The following FGF13 variants were observed in gnomAD, a reference collection of about 807,000 sequenced individuals.
FGF13 encodes fibroblast growth factor 13.
In FGF13, 2 loss-of-function variants were observed where a neutral mutation model predicts 19.5. That is an observed-to-expected ratio of 0.10 (90% confidence interval 0.04 to 0.32). FGF13 has a LOEUF of 0.32. Ranked by LOEUF, FGF13 falls within the 10% of genes least tolerant of loss-of-function variation. The pLI is 1.00. For synonymous variants in FGF13, 72 were observed against 76.9 expected, an observed-to-expected ratio of 0.94 and a Z score of 0.33; for missense variants, 113 against 192.7, an observed-to-expected ratio of 0.59 and a Z score of 2.45.
intron 3 of FGF13, among the ~76,000 whole-genome samples, chrX:138,813,127 A>G (rs761282864): frequency 1.8e-5 from 2 of 111,972 alleles, no homozygotes; most frequent in South Asian, 7.5e-4. Context: ...TGTTGCAATA[A>G]ACATACATGT....
intron 1 of FGF13, among the ~76,000 whole-genome samples, chrX:138,980,228 CTA>C (rs2091957786): frequency 9.0e-6 from 1 of 111,336 alleles, no homozygotes; most frequent in Non-Finnish European, 1.9e-5. Flanking sequence ...CTGTCCATCT[CTA>C]TCAGTCTGGG....
At chrX:138,802,352 T>C (rs922955561) in intron 3 of FGF13, among the ~76,000 whole-genome samples, 2 of 110,404 alleles carry the variant, frequency 1.8e-5, no homozygotes, top group Non-Finnish European at 1.9e-5. Flanking sequence ...GGAGGTAGGG[T>C]CCCAGCTCCT....
At chrX:139,033,866 G>C (rs753544087) in intron 1 of FGF13, among the ~76,000 whole-genome samples, 8 of 111,549 alleles carry the variant, frequency 7.2e-5, no homozygotes, top group Non-Finnish European at 1.5e-4. Flanking sequence ...GTGAAAATCA[G>C]TTTGGGATGA....
In FGF13 at chrX:138,937,302, AT is replaced by A. The variant is rs945852554; in HGVS notation, c.-112-72653del. On this transcript the variant is annotated intron_variant, in intron 1 of 2. Coordinates refer to the FGF13 transcript ENST00000421460. ...GATGGCAAGGATGTAGCAAATATCA[AT>A]ATTTTCAATACAACTTATAATAACA... 5.4e-5 allele frequency among the ~76,000 whole-genome samples: 6 copies of A among 111,734 alleles called. No homozygotes were observed. The Admixed American group carries it at 5.7e-4, about 11-fold the overall frequency.
intron 1 of FGF13, among the ~76,000 whole-genome samples, chrX:138,912,338 C>G (rs758106661): frequency 9.0e-6 from 1 of 111,019 alleles, no homozygotes; most frequent in South Asian, 3.9e-4. Flanking sequence ...GTGGTTAGGT[C>G]CACATAGGAA....
At chrX:138,694,993 AC>A (rs1325645554) in intron 3 of FGF13, among the ~76,000 whole-genome samples, 2 of 54,334 alleles carry the variant, frequency 3.7e-5, no homozygotes, top group Non-Finnish European at 7.2e-5. Flanking sequence ...TGAAACACAC[AC>A]ACACACACAC....
At chrX:138,696,378 C>T (rs1199575006) in intron 3 of FGF13, among the ~76,000 whole-genome samples, 1 of 111,603 alleles carries the variant, frequency 9.0e-6, no homozygotes, top group Non-Finnish European at 1.9e-5. Context: ...CTTCATTTAG[C>T]GTGATAAAAG....
chrX:139,007,696 T>A (rs2092109053), intron 1 of FGF13, among the ~76,000 whole-genome samples: 1 of 112,413 alleles, frequency 8.9e-6, no homozygotes, highest in African/African-American at 3.2e-5. Flanking sequence ...AGGACAAGCT[T>A]GCAGCTCCTC....
chrX:138,713,376 T>C (rs1413401188), upstream of FGF13, among the ~76,000 whole-genome samples: 3 of 112,106 alleles, frequency 2.7e-5, no homozygotes, highest in Non-Finnish European at 5.6e-5. Context: ...AAGGGAAATA[T>C]CTTACATAAA....
chrX:138,740,270 T>C (rs1260501461), upstream of FGF13, among the ~76,000 whole-genome samples: 1 of 111,809 alleles, frequency 8.9e-6, no homozygotes, highest in Non-Finnish European at 1.9e-5. Flanking sequence ...TCTCAAGTTC[T>C]GAATATTGTC....
downstream of FGF13, among the ~76,000 whole-genome samples, chrX:138,855,962 C>CTGTGTGTGTGTGTGTGTG (rs35763167): frequency 9.9e-6 from 1 of 101,314 alleles, no homozygotes; most frequent in African/African-American, 3.6e-5. Flanking sequence ...AGTACAAAAA[C>CTGTGTGTGTGTGTGTGTG]TGTGTGTGTG....
chrX:138,682,617 T>C (rs2089740613), intron 3 of FGF13, among the ~76,000 whole-genome samples: 1 of 112,409 alleles, frequency 8.9e-6, no homozygotes, highest in Non-Finnish European at 1.9e-5. Flanking sequence ...ATCCAATCTA[T>C]AGTTCCATTC....
chrX:138,647,691 GTTCT>G (rs1244105830), intron 3 of FGF13, among the ~76,000 whole-genome samples: 1 of 111,851 alleles, frequency 8.9e-6, no homozygotes, highest in Non-Finnish European at 1.9e-5. Flanking sequence ...GCAAATTACA[GTTCT>G]TTATCAAAAC....
intron 1 of FGF13, among the ~76,000 whole-genome samples, chrX:138,942,349 C>T (rs1053731455): frequency 5.4e-5 from 6 of 111,964 alleles, no homozygotes; most frequent in Non-Finnish European, 1.1e-4. Context: ...CATTGTATCA[C>T]CTCCATTAGG....
chrX:138,793,992 T>A (rs1194594825), intron 3 of FGF13, among the ~76,000 whole-genome samples: 1 of 111,718 alleles, frequency 9.0e-6, no homozygotes, highest in African/African-American at 3.3e-5. Context: ...CATCCTCTCC[T>A]CCAGGTGGTT....
chrX:138,961,089 TGC>T (rs2091867515), intron 1 of FGF13, among the ~76,000 whole-genome samples: 6 of 110,827 alleles, frequency 5.4e-5, no homozygotes. Context: ...TGAGAAGAGG[TGC>T]TCGGTTTTTA....
chrX:138,847,665 G>A (rs756304942), intron 3 of FGF13, among the ~76,000 whole-genome samples: 13 of 112,004 alleles, frequency 1.2e-4, no homozygotes, highest in Admixed American at 3.8e-4. Flanking sequence ...AAAAAATGCC[G>A]TAGAGTATAA....
At chrX:138,900,870 T>G (rs113618016) in intron 1 of FGF13, among the ~76,000 whole-genome samples, 1 of 111,739 alleles carries the variant, frequency 8.9e-6, no homozygotes, top group African/African-American at 3.3e-5. Flanking sequence ...GTCCCTGCCA[T>G]AGAGGCTTTG....
intron 3 of FGF13, among the ~76,000 whole-genome samples, chrX:138,784,249 G>T (rs1202249353): frequency 9.9e-6 from 1 of 101,083 alleles, no homozygotes; most frequent in African/African-American, 3.6e-5. Context: ...GCACCAGCAT[G>T]GCACATGTAT....
Sources: allele counts gnomAD v4.1 joint callset (sites outside exome capture counted in the v4.1 genomes callset), GRCh38; gene constraint gnomAD v4.1.1; transcripts MANE v1.5; gene names NCBI Gene and HGNC (gene_info 2026-07-23, HGNC 2026-07-21).